The following LY86 variants were observed in gnomAD, a reference collection of about 807,000 sequenced individuals.
The protein encoded by LY86 is lymphocyte antigen 86.
A neutral mutation model predicts 17.3 loss-of-function variants in LY86; 20 were observed. The observed-to-expected ratio is 1.15, with a 90% CI of 0.81 to 1.68. The LOEUF (loss-of-function observed/expected upper bound fraction) is 1.68. LY86 is among the 40% of genes most tolerant of loss of function. The probability of loss-of-function intolerance (pLI) is 0.00; values close to 1 mark genes in which losing one functional copy is unlikely to be tolerated. For missense variants in LY86, 200 were observed against 191.9 expected (o/e 1.04, Z -0.25); for synonymous variants, 74 against 70.6 (o/e 1.05, Z -0.24).
At chr6:6,638,182 C>CAA (rs1761988074) in intron 3 of LY86, among the ~76,000 whole-genome samples, 1 of 152,052 alleles carries the variant, frequency 6.6e-6, no homozygotes, top group Non-Finnish European at 1.5e-5. Flanking sequence ...GTGAAATGTA[C>CAA]AGAATACACA....
chr6:6,603,096 T>C (rs764652665), intron 1 of LY86, among the ~76,000 whole-genome samples: 2 of 152,132 alleles, frequency 1.3e-5, no homozygotes, highest in Non-Finnish European at 2.9e-5. Context: ...TCTGTCCTTA[T>C]ATGGCAGAAA....
chr6:6,623,972 C>A (rs1373678600), intron 1 of LY86, among the ~76,000 whole-genome samples: 1 of 152,192 alleles, frequency 6.6e-6, no homozygotes, highest in African/African-American at 2.4e-5. Flanking sequence ...CCAGACATCG[C>A]TGTTTTAAGA....
chr6:6,648,994 T>C (rs1173723082), intron 3 of LY86, among the ~76,000 whole-genome samples: 3 of 152,190 alleles, frequency 2.0e-5, no homozygotes, highest in South Asian at 2.1e-4. Context: ...GAATATGCAT[T>C]AGTTCATTTT....
At position 6,623,778 on chromosome 6, in the gene LY86, T is replaced by G. The variant is rs185621861; in HGVS notation, c.137-1148T>G. ...TACAAGGTAAACCCTCTGTTAAAAA[T>G]AGCTCTCCTATCTCCAGTCCAGTGG... On this transcript the variant is annotated intron_variant, in intron 1 of 4. Transcript: ENST00000230568. 2.0e-4 allele frequency among the ~76,000 whole-genome samples: 31 copies of G among 152,256 alleles called. No homozygotes were observed. In the East Asian group the frequency reaches 5.8e-3, roughly 28 times the overall value.
chr6:6,638,956 G>C (rs1581250873), intron 3 of LY86, among the ~76,000 whole-genome samples: 2 of 149,582 alleles, frequency 1.3e-5, no homozygotes, highest in Admixed American at 1.3e-4. Context: ...AAATCATGCT[G>C]CTATAAAGAC....
intron 3 of LY86, among the ~76,000 whole-genome samples, chr6:6,640,764 G>T (rs116493920): frequency 0.011 from 1,637 of 152,018 alleles, 42 homozygotes; most frequent in African/African-American, 0.037. Flanking sequence ...GGGTAGAGAT[G>T]AGTATATCTC....
rs1221073231 is a variant in LY86, at chr6:6,603,853, TAAGA to T, written c.136+14986_136+14989del. ...CAGTAAAAAAATAATAGTAATAAAT[TAAGA>T]AATAATAAAAGAAACAGAAAAAAGC... On this transcript the variant is annotated intron_variant, in intron 1 of 4. Coordinates refer to ENST00000230568, the MANE Select transcript of LY86 (RefSeq NM_004271.4). Among the ~76,000 whole-genome samples the T allele has an allele frequency of 2.0e-5, 3 of 151,092 alleles. No homozygotes were observed. The East Asian group carries it at 5.8e-4, about 29-fold the overall frequency.
At chr6:6,611,231 T>C (rs1446424233) in intron 1 of LY86, among the ~76,000 whole-genome samples, 1 of 152,188 alleles carries the variant, frequency 6.6e-6, no homozygotes, top group Non-Finnish European at 1.5e-5. Flanking sequence ...GAATACACAG[T>C]CTTTGGGACT....
At chr6:6,595,007 G>A (rs1224942778) in intron 1 of LY86, among the ~76,000 whole-genome samples, 1 of 152,078 alleles carries the variant, frequency 6.6e-6, no homozygotes, top group Non-Finnish European at 1.5e-5. Flanking sequence ...TACAGGGTGA[G>A]ACCAGGCAGA....
rs976271693 is a variant in LY86, at chr6:6,634,086, C to T, written c.352+7665C>T. ...GAGGTGCAGAAGATAATGGTGCCCA[C>T]AAGAACTGCTGATTCATGGCGCATC... On this transcript the variant is annotated intron_variant, in intron 3 of 4. Coordinates refer to ENST00000230568, the MANE Select transcript of LY86 (RefSeq NM_004271.4). Among the ~76,000 whole-genome samples the T allele has an allele frequency of 3.3e-5, 5 of 152,184 alleles. No homozygotes were observed. In the East Asian group the frequency reaches 9.6e-4, roughly 29 times the overall value.
At chr6:6,652,209 C>T (rs1267782039) in intron 4 of LY86, among the ~76,000 whole-genome samples, 4 of 152,036 alleles carry the variant, frequency 2.6e-5, no homozygotes, top group African/African-American at 9.7e-5. Flanking sequence ...GTGAGGGCAT[C>T]GCATGTACAG....
At chr6:6,593,701 GT>G (rs745677624) in intron 1 of LY86, among the ~76,000 whole-genome samples, 1 of 152,230 alleles carries the variant, frequency 6.6e-6, no homozygotes, top group African/African-American at 2.4e-5. Context: ...AATAAAATTA[GT>G]TTTTAAGATG....
intron 1 of LY86, among the ~76,000 whole-genome samples, chr6:6,616,922 G>T (rs1761569128): frequency 6.6e-6 from 1 of 152,220 alleles, no homozygotes; most frequent in Non-Finnish European, 1.5e-5. Flanking sequence ...GTGTATCCTG[G>T]TTGTGTGAGT....
chr6:6,651,033 G>A (rs1232181655), intron 4 of LY86, among the ~76,000 whole-genome samples: 1 of 151,980 alleles, frequency 6.6e-6, no homozygotes, highest in Non-Finnish European at 1.5e-5. Flanking sequence ...CATCCATGTT[G>A]CCACAAATGA....
intron 3 of LY86, among the ~76,000 whole-genome samples, chr6:6,635,525 G>A (rs1024636382): frequency 6.6e-6 from 1 of 152,148 alleles, no homozygotes; most frequent in Non-Finnish European, 1.5e-5. Flanking sequence ...ACTGCAGAAA[G>A]TGAAACTGCA....
At chr6:6,599,256 G>C (rs1760822352) in intron 1 of LY86, among the ~76,000 whole-genome samples, 1 of 152,156 alleles carries the variant, frequency 6.6e-6, no homozygotes, top group Non-Finnish European at 1.5e-5. Context: ...CTGAAAGACA[G>C]AATCACGAGA....
Position 6,649,628 on chromosome 6 carries a change from A to G in LY86, c.356A>G (p.Gln119Arg), listed in dbSNP as rs770946721. The change falls in exon 4 of 5, where the codon CAG becomes CGG. Residue 119 changes from glutamine to arginine, a missense_variant. Transcript: ENST00000230568. Reference protein sequence around the residue: ...FSFCGRRKGEQIYYAGPVNNP... With the variant: ...FSFCGRRKGERIYYAGPVNNP... ...TATGCTTTATATATTTTTTCAGAGC[A>G]GATTTACTATGCTGGGCCTGTCAAT... 12 of 1,557,292 alleles carry G rather than the reference A, an allele frequency of 7.7e-6. No individual in the cohort carries two copies. Among genetic ancestry groups the G allele is most frequent in the Non-Finnish European group, 1.1e-5 (12 of 1,137,940 alleles).
chr6:6,614,402 T>C (rs1761496937), intron 1 of LY86, among the ~76,000 whole-genome samples: 1 of 151,620 alleles, frequency 6.6e-6, no homozygotes, highest in Non-Finnish European at 1.5e-5. Flanking sequence ...TATTTGAGTG[T>C]ATGCTTGCAT....
intron 3 of LY86, among the ~76,000 whole-genome samples, chr6:6,645,195 C>T (rs1762092173): frequency 6.6e-6 from 1 of 152,138 alleles, no homozygotes; most frequent in African/African-American, 2.4e-5. Flanking sequence ...TTAGAAGTTA[C>T]ATACACTGGC....
Sources: allele counts gnomAD v4.1 joint callset (sites outside exome capture counted in the v4.1 genomes callset), GRCh38; gene constraint gnomAD v4.1.1; transcripts MANE v1.5; gene names NCBI Gene and HGNC (gene_info 2026-07-23, HGNC 2026-07-21).